The following KCTD7 variants were observed in gnomAD, a reference collection of about 807,000 sequenced individuals.
KCTD7 encodes the protein BTB/POZ domain-containing protein KCTD7.
A neutral mutation model predicts 27.0 loss-of-function variants in KCTD7; 15 were observed. The observed-to-expected ratio is 0.56, with a 90% CI of 0.37 to 0.86. The LOEUF (loss-of-function observed/expected upper bound fraction) is 0.86. Among genes scored for constraint, KCTD7 ranks in the 40% least tolerant of loss-of-function variants. The pLI is 0.00. For missense variants in KCTD7, 299 were observed against 398.9 expected (o/e 0.75, Z 2.13); for synonymous variants, 159 against 162.7 (o/e 0.98, Z 0.17).
rs1584400157 is a variant in KCTD7, at chr7:66,639,555, T to C, written c.*323T>C. The C allele has an allele frequency of 7.3e-7, 1 of 1,361,440 alleles. No individual in the cohort carries two copies. The highest frequency in any genetic ancestry group is 1.5e-5 in the African/African-American group (1 of 68,466). The allele number at this position is 1,361,440 out of a possible 1,614,324, so 84.3% of individuals were successfully genotyped here. ...AGAAGTTTTGTCACCTTCTTGACCT[T>C]GCAAGAGAGTTTCTGCCCATTTTAG... On this transcript the variant is annotated 3_prime_UTR_variant, in exon 4 of 4. Transcript: ENST00000639828.
At position 66,642,803 on chromosome 7, in the gene KCTD7, C is replaced by T; in HGVS notation, c.*3571C>T. On this transcript the variant is annotated 3_prime_UTR_variant, in exon 4 of 4. Transcript: ENST00000639828. ...TGAAAGAATCATATCTGTGTATATA[C>T]ATACTGAGTGGGGAAGGATGGGGGT... The T allele has an allele frequency of 2.0e-6, 2 of 985,046 alleles. No homozygotes were observed. The highest frequency in any genetic ancestry group is 1.1e-4 in the East Asian group (1 of 8,798). The allele number at this position is 985,046 out of a possible 1,614,324, so 61.0% of individuals were successfully genotyped here.
In KCTD7 at chr7:66,642,338, C is replaced by T; in HGVS notation, c.*3106C>T. 1 of 985,440 alleles carries T rather than the reference C, an allele frequency of 1.0e-6. No homozygotes were observed. The highest frequency in any genetic ancestry group is 1.2e-6 in the Non-Finnish European group (1 of 829,942). The allele number at this position is 985,440 out of a possible 1,614,324, so 61.0% of individuals were successfully genotyped here. ...CAGCTGTACTCTGGAAGTTTCTGTT[C>T]TTCTTTCCTGGGGCTTAGGATATTC... On this transcript the variant is annotated 3_prime_UTR_variant, in exon 4 of 4. Coordinates refer to ENST00000639828, the MANE Select transcript of KCTD7 (RefSeq NM_153033.5).
At position 66,639,133 on chromosome 7, in the gene KCTD7, C is replaced by T. The variant is rs777050711; in HGVS notation, c.771C>T (p.Leu257=). The change falls in exon 4 of 4, where the codon CTC becomes CTT. Residue 257 remains leucine, a synonymous_variant. Coordinates refer to ENST00000639828, the MANE Select transcript of KCTD7 (RefSeq NM_153033.5). ...CLVTDLSAQG[L]TVDHQCIGVC... ...TCACGGACCTCTCGGCCCAGGGTCTCACCGTGGACCACCAGTGCATCGGGG... is the reference window on the plus strand; with the variant it reads ...TCACGGACCTCTCGGCCCAGGGTCTTACCGTGGACCACCAGTGCATCGGGG... The T allele has an allele frequency of 1.2e-6, 2 of 1,614,154 alleles. No individual in the cohort carries two copies. Among genetic ancestry groups the T allele is most frequent in the East Asian group, 2.2e-5 (1 of 44,876 alleles).
At position 66,638,427 on chromosome 7, in the gene KCTD7, C is replaced by T. The variant is rs1057521582; in HGVS notation, c.489C>T (p.Tyr163=). Residue 163 remains tyrosine (Y), a synonymous_variant, in exon 3 of 4, where the codon TAC becomes TAT. Transcript: ENST00000639828. The part of the protein sequence containing the change: ...RQAFLGLMPY[Y]KDHLERIVEI... ...CGTTTCTGGGACTCATGCCCTATTA[C>T]AAAGGTGAGGGTCAGCTGCCCAGGA... 3 of 1,613,700 alleles carry T rather than the reference C, an allele frequency of 1.9e-6. No homozygotes were observed. The highest frequency in any genetic ancestry group is 2.7e-5 in the African/African-American group (2 of 74,958).
chr7:66,631,719 G>A (rs1034676800), intron 1 of KCTD7, among the ~76,000 whole-genome samples: 9 of 150,056 alleles, frequency 6.0e-5, no homozygotes, highest in Non-Finnish European at 1.3e-4. Flanking sequence ...AAAAAAAAAA[G>A]CCTTGCATTT....
At chr7:66,635,323 G>C (rs1284252049) in intron 2 of KCTD7, among the ~76,000 whole-genome samples, 1 of 152,138 alleles carries the variant, frequency 6.6e-6, no homozygotes, top group East Asian at 1.9e-4. Context: ...GCCCGGCCGA[G>C]ACTCTGTGTC....
Position 66,633,408 on chromosome 7 carries a change from G to C in KCTD7, c.278G>C (p.Gly93Ala), listed in dbSNP as rs373509859. The C allele has an allele frequency of 1.2e-6, 2 of 1,614,084 alleles. No individual in the cohort carries two copies. The highest frequency in any genetic ancestry group is 1.7e-6 in the Non-Finnish European group (2 of 1,180,020). ...CACTACATCCCCACGGACTCCGAGGGCCGGTACTTCATCGACCGAGATGGC... is the reference window on the plus strand; with the variant it reads ...CACTACATCCCCACGGACTCCGAGGCCCGGTACTTCATCGACCGAGATGGC... ...GRHYIPTDSE[G>A]RYFIDRDGTH... Residue 93 changes from glycine (G) to alanine (A), a missense_variant, in exon 2 of 4, where the codon GGC becomes GCC. By Grantham distance (60) the Gly-to-Ala change is moderately conservative (BLOSUM62 0). Coordinates refer to ENST00000639828, the MANE Select transcript of KCTD7 (RefSeq NM_153033.5).
In KCTD7 at chr7:66,633,308, G is replaced by T. The variant is rs757879423; in HGVS notation, c.178G>T (p.Ala60Ser). 1.2e-6 allele frequency: 2 copies of T among 1,613,850 alleles called. No individual in the cohort carries two copies. Among genetic ancestry groups the T allele is most frequent in the South Asian group, 2.2e-5 (2 of 91,078 alleles). The change falls in exon 2 of 4, where the codon GCT becomes TCT. Residue 60 changes from alanine (A) to serine (S), a missense_variant. Ala to Ser is a moderately conservative substitution (Grantham distance 99, BLOSUM62 1). Transcript: ENST00000639828. ...GGTTGTTCCCCTTAACATCGGAGGG[G>T]CTCACTTCACTACACGCCTGTCCAC... Reference protein sequence around the residue: ...PEVVPLNIGGAHFTTRLSTLR... With the variant: ...PEVVPLNIGGSHFTTRLSTLR...
rs542007347 is a variant in KCTD7, at chr7:66,640,179, C to T, written c.*947C>T. The T allele has an allele frequency of 9.9e-5, 141 of 1,421,012 alleles. No individual in the cohort carries two copies. The African/African-American group carries it at 2.0e-3, about 20-fold the overall frequency. 88.0% of individuals were successfully genotyped at this position (1,421,012 alleles called of 1,614,324 possible). On this transcript the variant is annotated 3_prime_UTR_variant, in exon 4 of 4. Coordinates refer to ENST00000639828, the MANE Select transcript of KCTD7 (RefSeq NM_153033.5). ...CCCCCTCTCTTTAAACCCTGTTCCT[C>T]TGTCCTGGTAACATTCTCCTTCTAG...
rs1297799073 is a variant in KCTD7 at position 66,639,158 on chromosome 7, G to A, written c.796G>A (p.Val266Met). The change falls in exon 4 of 4, where the codon GTG (valine) becomes ATG (methionine). Residue 266 changes from valine (V) to methionine (M), a missense_variant. Physicochemically the swap from Val to Met is conservative, Grantham distance 21 (BLOSUM62 1). Coordinates refer to ENST00000639828, the MANE Select transcript of KCTD7 (RefSeq NM_153033.5). ...GLTVDHQCIG[V>M]CDKHLVNHYY... ...CACCGTGGACCACCAGTGCATCGGGGTGTGTGACAAGCACCTCGTGAACCA... is the reference window on the plus strand; with the variant it reads ...CACCGTGGACCACCAGTGCATCGGGATGTGTGACAAGCACCTCGTGAACCA... 6.2e-7 allele frequency: 1 copy of A among 1,614,144 alleles called. No individual in the cohort carries two copies. Among genetic ancestry groups the A allele is most frequent in the Admixed American group, 1.7e-5 (1 of 60,020 alleles).
intron 2 of KCTD7, among the ~76,000 whole-genome samples, chr7:66,634,123 T>C (rs535578997): frequency 2.2e-4 from 32 of 145,790 alleles, no homozygotes; most frequent in African/African-American, 3.5e-4. Flanking sequence ...CATATATATA[T>C]ATATATATAT....
At chr7:66,638,650 C>G in intron 3 of KCTD7, 1 of 781,642 alleles carries the variant, frequency 1.3e-6, no homozygotes, top group Non-Finnish European at 2.0e-6. Context: ...GAAGGACAGC[C>G]CTCGTCCCAT....
intron 2 of KCTD7, among the ~76,000 whole-genome samples, chr7:66,637,992 G>A (rs1447732045): frequency 6.6e-6 from 1 of 152,074 alleles, no homozygotes; most frequent in Non-Finnish European, 1.5e-5. Flanking sequence ...GTTGCTTACT[G>A]ATAACAACAA....
chr7:66,631,123 C>G (rs1287496130), intron 1 of KCTD7, among the ~76,000 whole-genome samples: 1 of 152,176 alleles, frequency 6.6e-6, no homozygotes, highest in Non-Finnish European at 1.5e-5. Flanking sequence ...CTATTTCTTT[C>G]ATTCATTCGG....
rs886062411 is a variant in KCTD7, at chr7:66,628,978, A to C, written c.-87A>C. ...CGGCCAGCCCGCAGCCGGCCGCGTC[A>C]TGCCAGGCGCTGCTCGGCGGTAGGG... On this transcript the variant is annotated 5_prime_UTR_variant, in exon 1 of 4. The change abolishes an upstream ATG in the 5' untranslated region. Transcript: ENST00000639828. 1.5e-6 allele frequency: 2 copies of C among 1,356,050 alleles called. No homozygotes were observed. Among genetic ancestry groups the C allele is most frequent in the Non-Finnish European group, 2.0e-6 (2 of 1,024,968 alleles). The allele number at this position is 1,356,050 out of a possible 1,614,324, so 84.0% of individuals were successfully genotyped here.
Position 66,638,394 on chromosome 7 carries a change from G to T in KCTD7, c.456G>T (p.Val152=). The change falls in exon 3 of 4, where the codon GTG becomes GTT. Residue 152 remains valine, a synonymous_variant. Transcript: ENST00000639828. The part of the protein sequence containing the change: ...ENMQPLKGEK[V]RQAFLGLMPY... ...TGCAGCCACTGAAGGGCGAGAAGGT[G>T]CGCCAAGCGTTTCTGGGACTCATGC... 1 of 1,614,248 alleles carries T rather than the reference G, an allele frequency of 6.2e-7. No individual in the cohort carries two copies. The highest frequency in any genetic ancestry group is 8.5e-7 in the Non-Finnish European group (1 of 1,180,046).
chr7:66,633,680 T>C (rs1421213740), intron 2 of KCTD7, among the ~76,000 whole-genome samples: 2 of 151,210 alleles, frequency 1.3e-5, no homozygotes, highest in Admixed American at 6.6e-5. Flanking sequence ...GCTTCAATCA[T>C]AGACAATTAA....
In KCTD7 at chr7:66,642,484, G is replaced by A. The variant is rs931500831; in HGVS notation, c.*3252G>A. On this transcript the variant is annotated 3_prime_UTR_variant, in exon 4 of 4. Coordinates refer to ENST00000639828, the MANE Select transcript of KCTD7 (RefSeq NM_153033.5). ...AGACACAGGCGGTGTGAGCATCCATGTGTGGTCTTGGTCTAAACCAGCTCT... is the reference window on the plus strand; with the variant it reads ...AGACACAGGCGGTGTGAGCATCCATATGTGGTCTTGGTCTAAACCAGCTCT... 16 of 985,464 alleles carry A rather than the reference G, an allele frequency of 1.6e-5. No individual in the cohort carries two copies. Among genetic ancestry groups the A allele is most frequent in the Non-Finnish European group, 1.9e-5 (16 of 829,938 alleles). 61.0% of individuals were successfully genotyped at this position (985,464 alleles called of 1,614,324 possible).
chr7:66,638,686 G>A (rs1786641384), intron 3 of KCTD7, 170 bp from the exon 4 acceptor site: 3 of 853,904 alleles, frequency 3.5e-6, no homozygotes, highest in Non-Finnish European at 3.6e-6. Flanking sequence ...GTGGAGAACC[G>A]TGACCCTTGT....
Sources: allele counts gnomAD v4.1 joint callset (sites outside exome capture counted in the v4.1 genomes callset), GRCh38; gene constraint gnomAD v4.1.1; transcripts MANE v1.5; gene names NCBI Gene and HGNC (gene_info 2026-07-23, HGNC 2026-07-21).